LATS2: variants seen among roughly 807,000 people sequenced by gnomAD.
The protein encoded by LATS2 is large tumor suppressor kinase 2.
LATS2 carries 24 observed loss-of-function variants against 76.0 expected under a neutral mutation model. The observed-to-expected ratio is 0.32, with a 90% CI of 0.23 to 0.44. The LOEUF is 0.44. Among genes scored for constraint, LATS2 ranks in the 20% least tolerant of loss-of-function variants. LATS2 has a pLI of 1.00. For synonymous variants in LATS2, 692 were observed against 635.4 expected (o/e 1.09, Z -1.34); for missense variants, 1,286 against 1,481.2 (o/e 0.87, Z 2.16).
intron 2 of LATS2, among the ~76,000 whole-genome samples, chr13:21,009,743 C>G (rs1279125868): frequency 1.3e-5 from 2 of 152,100 alleles, no homozygotes; most frequent in Admixed American, 1.3e-4. Flanking sequence ...GACAATACAC[C>G]AAGTACATGC....
At chr13:21,017,114 T>C (rs1445934520) in intron 2 of LATS2, among the ~76,000 whole-genome samples, 1 of 152,218 alleles carries the variant, frequency 6.6e-6, no homozygotes, top group Non-Finnish European at 1.5e-5. Context: ...TGGTGGTTAC[T>C]GGAGGTGACC....
rs1269212022 is a variant in LATS2, at chr13:21,034,967, A to C, written c.342+10718T>G. Among the ~76,000 whole-genome samples, 4 of 152,246 alleles carry C rather than the reference A, an allele frequency of 2.6e-5. No individual in the cohort carries two copies. The East Asian group carries it at 7.7e-4, about 29-fold the overall frequency. Reference sequence around the variant, plus strand: ...AAGATGGGGCTGAGCACAGTGGTTCATGCCTGTAATCCCAACACTTTGGTA... The same window carrying C: ...AAGATGGGGCTGAGCACAGTGGTTCCTGCCTGTAATCCCAACACTTTGGTA... On this transcript the variant is annotated intron_variant, in intron 2 of 7. Coordinates refer to ENST00000382592, the MANE Select transcript of LATS2 (RefSeq NM_014572.3).
chr13:20,997,998 T>G (rs564830908), intron 2 of LATS2, among the ~76,000 whole-genome samples: 1 of 152,284 alleles, frequency 6.6e-6, no homozygotes, highest in Admixed American at 6.5e-5. Flanking sequence ...GCTGAAAAAG[T>G]AGAAACGGAG....
At chr13:21,001,693 T>C (rs1871044932) in intron 2 of LATS2, among the ~76,000 whole-genome samples, 2 of 152,008 alleles carry the variant, frequency 1.3e-5, no homozygotes, top group African/African-American at 4.8e-5. Flanking sequence ...ACTGCCCAGC[T>C]GAGCACAGCC....
chr13:20,983,176 A>G (rs766310501), intron 5 of LATS2, 48 bp downstream of exon 5: 1 of 1,305,324 alleles, frequency 7.7e-7, no homozygotes, highest in East Asian at 2.3e-5. Context: ...CAATGGGGTT[A>G]GTGACATCTA....
chr13:21,041,329 A>G (rs977671015), intron 2 of LATS2, among the ~76,000 whole-genome samples: 5 of 152,122 alleles, frequency 3.3e-5, no homozygotes, highest in African/African-American at 1.2e-4. Flanking sequence ...TGGTGTGGAC[A>G]CTGTTCTCAG....
intron 2 of LATS2, among the ~76,000 whole-genome samples, chr13:21,025,942 T>C (rs1332191897): frequency 6.6e-6 from 1 of 152,144 alleles, no homozygotes; most frequent in Non-Finnish European, 1.5e-5. Flanking sequence ...TTGTTTAAAG[T>C]ACAGCCTGGT....
At chr13:21,008,321 C>T (rs1871439934) in intron 2 of LATS2, among the ~76,000 whole-genome samples, 1 of 152,128 alleles carries the variant, frequency 6.6e-6, no homozygotes, top group South Asian at 2.1e-4. Context: ...CTCCAGACTA[C>T]AGCCTTGGGC....
Position 21,045,967 on chromosome 13 carries a change from T to C in LATS2, c.60A>G (p.Gln20=), listed in dbSNP as rs1873062485. Residue 20 remains glutamine, a synonymous_variant, in exon 2 of 8, where the codon CAA becomes CAG. Coordinates refer to ENST00000382592, the MANE Select transcript of LATS2 (RefSeq NM_014572.3). ...GCTGTTTTAACCCCTCACGAATCTC[T>C]TGCAGTCGCTGCCGGCTATTTCCAG... ...TYSGNSRQRL[Q]EIREGLKQPS... The C allele has an allele frequency of 4.3e-6, 7 of 1,614,056 alleles. No homozygotes were observed. The highest frequency in any genetic ancestry group is 5.9e-6 in the Non-Finnish European group (7 of 1,179,908).
rs540713023 is a variant in LATS2 at position 20,973,691 on chromosome 13, CA to C, written c.*1178del. On this transcript the variant is annotated 3_prime_UTR_variant, in exon 8 of 8. Transcript: ENST00000382592. The stretch of plus-strand genomic sequence containing the variant: ...GATACTTCAAAGTACACTAAAAGAA[CA>C]AAAAAAAAGTGAGAGAACCATTAGA... 2.3e-4 allele frequency: 52 copies of C among 227,066 alleles called. No individual in the cohort carries two copies. The highest frequency in any genetic ancestry group is 1.3e-3 in the Middle Eastern group (1 of 744). The allele number at this position is 227,066 out of a possible 1,614,324, so 14.1% of individuals were successfully genotyped here. A position where few individuals can be genotyped will look rare whatever the true frequency, so the allele number is the denominator to read the frequency against.
At chr13:21,010,299 C>T (rs755441778) in intron 2 of LATS2, among the ~76,000 whole-genome samples, 2 of 152,120 alleles carry the variant, frequency 1.3e-5, no homozygotes, top group African/African-American at 2.4e-5. Context: ...CTTCAACTCT[C>T]CTCCCCTGCC....
intron 2 of LATS2, among the ~76,000 whole-genome samples, chr13:21,022,449 C>T (rs113354886): frequency 0.014 from 2,165 of 152,286 alleles, 76 homozygotes; most frequent in African/African-American, 0.049. Context: ...TCCCTGACAT[C>T]TCACTTTTGT....
chr13:21,021,397 T>C lies in LATS2; in HGVS notation c.342+24288A>G, dbSNP rs111278595. ...CTCAGGCAGGAGAGCTGCTTGAACCTGGGAAGCAGAGGTTGTAGTGAACTG... is the reference window on the plus strand; with the variant it reads ...CTCAGGCAGGAGAGCTGCTTGAACCCGGGAAGCAGAGGTTGTAGTGAACTG... On this transcript the variant is annotated intron_variant, in intron 2 of 7. Coordinates refer to ENST00000382592, the MANE Select transcript of LATS2 (RefSeq NM_014572.3). Among the ~76,000 whole-genome samples the C allele has an allele frequency of 1.8e-3, 234 of 127,022 alleles. 1 individual carries two copies. The highest frequency in any genetic ancestry group is 6.2e-3 in the African/African-American group (211 of 34,204). The allele number at this position is 127,022 out of a possible 152,430, so 83.3% of individuals were successfully genotyped here.
Position 20,983,492 on chromosome 13 carries a change from T to C in LATS2, c.2214A>G (p.Lys738=). 1 of 1,614,094 alleles carries C rather than the reference T, an allele frequency of 6.2e-7. No individual in the cohort carries two copies. The highest frequency in any genetic ancestry group is 1.1e-5 in the South Asian group (1 of 91,070). The change falls in exon 5 of 8, where the codon AAA becomes AAG. Residue 738 remains lysine, a synonymous_variant. Transcript: ENST00000382592. ...VVKLYYSFQD[K]DSLYFVMDYI... is the part of the protein sequence containing the mutation. ...AGTCCATCACAAAGTACAGGCTGTC[T>C]TTGTCTTGGAAGGAGTAGTAGAGTT...
At chr13:21,025,639 G>T (rs1386862102) in intron 2 of LATS2, among the ~76,000 whole-genome samples, 1 of 152,126 alleles carries the variant, frequency 6.6e-6, no homozygotes, top group Non-Finnish European at 1.5e-5. Context: ...ATCGTCATTA[G>T]GTCTGCACTC....
chr13:21,034,467 G>C (rs902988908), intron 2 of LATS2, among the ~76,000 whole-genome samples: 1 of 152,156 alleles, frequency 6.6e-6, no homozygotes, highest in African/African-American at 2.4e-5. Flanking sequence ...AGCCAGAGCC[G>C]GCACGTCCTT....
At chr13:20,984,564 A>G (rs1269151090) in intron 4 of LATS2, among the ~76,000 whole-genome samples, 2 of 152,206 alleles carry the variant, frequency 1.3e-5, no homozygotes, top group African/African-American at 4.8e-5. Context: ...CTGTACACCA[A>G]TAATGAATGC....
In LATS2 at chr13:21,055,108, C is replaced by T. The variant is rs552504876; in HGVS notation, c.-205+6238G>A. On this transcript the variant is annotated intron_variant, in intron 1 of 7. Transcript: ENST00000382592. Reference sequence around the variant, plus strand: ...TCAGCTTCAGACAGTGTATTTTAAGCTTTAGTTTGAAGACAGTTGATTTCA... The same window carrying T: ...TCAGCTTCAGACAGTGTATTTTAAGTTTTAGTTTGAAGACAGTTGATTTCA... Among the ~76,000 whole-genome samples, 6 of 152,282 alleles carry T rather than the reference C, an allele frequency of 3.9e-5. No homozygotes were observed. In the South Asian group the frequency reaches 1.0e-3, roughly 26 times the overall value.
intron 2 of LATS2, among the ~76,000 whole-genome samples, chr13:21,003,515 A>G (rs1871138573): frequency 2.0e-5 from 3 of 151,524 alleles, no homozygotes; most frequent in Admixed American, 2.0e-4. Context: ...ATCTTGGCTC[A>G]ATGCAACTTC....
Sources: gnomAD v4.1 joint callset for allele counts (sites outside exome capture counted in the v4.1 genomes callset) on GRCh38, gnomAD v4.1.1 for gene constraint, MANE v1.5 for transcripts, NCBI Gene and HGNC (gene_info 2026-07-23, HGNC 2026-07-21) for gene names.